Variants in SLC25A29 observed in about 807,000 individuals in gnomAD.
SLC25A29 encodes mitochondrial basic amino acids transporter.
SLC25A29 carries 13 observed loss-of-function variants against 10.0 expected under a neutral mutation model. That is an observed-to-expected ratio of 1.30 (90% confidence interval 0.85 to 2.07). The LOEUF is 2.07. SLC25A29 is among the 30% of genes most tolerant of loss of function. SLC25A29 has a pLI of 0.00. For missense variants in SLC25A29, 475 were observed against 447.6 expected, an observed-to-expected ratio of 1.06 and a Z score of -0.55; for synonymous variants, 244 against 221.1, an observed-to-expected ratio of 1.10 and a Z score of -0.92.
intron 1 of SLC25A29, among the ~76,000 whole-genome samples, chr14:100,302,420 C>T (rs1456739165): frequency 1.3e-5 from 2 of 149,286 alleles, no homozygotes; most frequent in Admixed American, 6.7e-5. Flanking sequence ...AGTGCAATGG[C>T]GCGATCTCGG....
chr14:100,278,662 C>A, the SLC25A29 span: 1 of 152,244 alleles, frequency 6.6e-6, no homozygotes, highest in Non-Finnish European at 1.5e-5. Flanking sequence ...CATGTCCTGA[C>A]TTCTGAAAGA....
chr14:100,294,790 T>C (rs769490854), intron 2 of SLC25A29: 8 of 152,142 alleles, frequency 5.3e-5, no homozygotes, highest in Non-Finnish European at 8.8e-5. Flanking sequence ...AATGCACTTA[T>C]AAAAAATGTT....
At chr14:100,290,150 A>C (rs1482694934), downstream of SLC25A29, among the ~76,000 whole-genome samples, 9 of 152,186 alleles carry the variant, frequency 5.9e-5, no homozygotes, top group African/African-American at 2.2e-4. Context: ...GCCTTTCTAG[A>C]GAGTGCAGAT....
chr14:100,279,127 C>T, the SLC25A29 span: 8 of 152,156 alleles, frequency 5.3e-5, no homozygotes, highest in Admixed American at 3.3e-4. Context: ...CTTAAATGTA[C>T]GATTATAATG....
intron 2 of SLC25A29, chr14:100,298,458 C>T (rs1464620689): frequency 3.2e-6 from 1 of 311,720 alleles, no homozygotes; most frequent in Non-Finnish European, 6.2e-6. Flanking sequence ...GGATGATCAC[C>T]ACTCCGTGAA....
chr14:100,287,305 A>G (rs1255996011), downstream of SLC25A29, among the ~76,000 whole-genome samples: 1 of 152,220 alleles, frequency 6.6e-6, no homozygotes, highest in Non-Finnish European at 1.5e-5. Flanking sequence ...TGGACTCCCC[A>G]AACTGCCACT....
At chr14:100,298,991 G>C in intron 1 of SLC25A29, 106 bp from the exon 2 acceptor site, 1 of 1,524,208 alleles carries the variant, frequency 6.6e-7, no homozygotes, top group Non-Finnish European at 8.9e-7. Context: ...AGCTGCTGCC[G>C]GGGAAAGGAC....
At chr14:100,302,364 T>TC (rs2139787344) in intron 1 of SLC25A29, among the ~76,000 whole-genome samples, 1 of 143,242 alleles carries the variant, frequency 7.0e-6, no homozygotes, top group East Asian at 2.2e-4. Flanking sequence ...ATTTCTTTCT[T>TC]TTTTTTTTTT....
At chr14:100,306,136 G>A in intron 1 of SLC25A29, 63 bp downstream of exon 1, 1 of 1,269,018 alleles carries the variant, frequency 7.9e-7, no homozygotes, top group Non-Finnish European at 1.0e-6. Flanking sequence ...AGGGCGTGCT[G>A]GTGGGCCGAC....
chr14:100,302,362 CTT>C (rs74643943), intron 1 of SLC25A29, among the ~76,000 whole-genome samples: 31 of 133,960 alleles, frequency 2.3e-4, no homozygotes, highest in Admixed American at 5.3e-4. Context: ...CTATTTCTTT[CTT>C]TTTTTTTTTT....
chr14:100,306,274 C>A lies in SLC25A29; in HGVS notation c.-42G>T, dbSNP rs745471027. ...AGGCCGCCTTTCCTCCTCGTCCTCC[C>A]CCTGAGGCCCCTCGCCGGGCTGGGC... On this transcript the variant is annotated 5_prime_UTR_variant, in exon 1 of 4. Transcript: ENST00000359232. 1.4e-6 allele frequency: 2 copies of A among 1,390,654 alleles called. No individual in the cohort carries two copies. Among genetic ancestry groups the A allele is most frequent in the South Asian group, 1.8e-5 (1 of 56,776 alleles). 86.1% of individuals were successfully genotyped at this position (1,390,654 alleles called of 1,614,324 possible). A position where few individuals can be genotyped will look rare whatever the true frequency, so the allele number is the denominator to read the frequency against.
intron 2 of SLC25A29, chr14:100,295,819 C>T: frequency 7.8e-7 from 1 of 1,289,670 alleles, no homozygotes; most frequent in African/African-American, 1.5e-5. Flanking sequence ...TGGCCGGTCA[C>T]CCCCTCATCA....
rs1892088080 is a variant in SLC25A29, at chr14:100,295,588, G to GTCCAGGCTGGGA, written c.79-2223_79-2212dup. The GTCCAGGCTGGGA allele has an allele frequency of 5.4e-6, 7 of 1,284,606 alleles. No individual in the cohort carries two copies. The South Asian group carries it at 8.7e-5, about 16-fold the overall frequency. 79.6% of individuals were successfully genotyped at this position (1,284,606 alleles called of 1,614,324 possible). A position where few individuals can be genotyped will look rare whatever the true frequency, so the allele number is the denominator to read the frequency against. On this transcript the variant is annotated intron_variant, in intron 2 of 3. Transcript: ENST00000359232. ...GGGGAGATGGGCATGACAGGGTGGGGTCCAGGCTGGGATCTGGTTCACCTG... is the reference window on the plus strand; with the variant it reads ...GGGGAGATGGGCATGACAGGGTGGGGTCCAGGCTGGGATCCAGGCTGGGATCTGGTTCACCTG...
chr14:100,289,965 G>A (rs927159129), downstream of SLC25A29, among the ~76,000 whole-genome samples: 3 of 152,282 alleles, frequency 2.0e-5, no homozygotes, highest in East Asian at 1.9e-4. Context: ...CTGGGAAGTG[G>A]GAGGGAGCTA....
chr14:100,299,285 C>G, intron 1 of SLC25A29: 1 of 1,037,386 alleles, frequency 9.6e-7, no homozygotes. Flanking sequence ...ACTTTGGGGT[C>G]AGACCCTCCC....
At chr14:100,293,489 GCA>G (rs1299580499) in intron 2 of SLC25A29, 112 bp from the exon 3 acceptor site, 2 of 884,522 alleles carry the variant, frequency 2.3e-6, no homozygotes, top group Non-Finnish European at 3.6e-6. Flanking sequence ...GGGCACTCAG[GCA>G]CAGTCTAAGA....
At chr14:100,281,060 C>CAAAAAAAAAAA in the SLC25A29 span, 72 of 47,776 alleles carry the variant, frequency 1.5e-3, 25 homozygotes, top group African/African-American at 7.1e-3. Context: ...ACTCCGTCTC[C>CAAAAAAAAAAA]CAAAAAAAAA....
intron 1 of SLC25A29, among the ~76,000 whole-genome samples, chr14:100,301,670 T>C (rs8020584): frequency 0.69 from 103,804 of 150,950 alleles, 35,858 homozygotes; most frequent in East Asian, 0.75. Flanking sequence ...CCACCACGCC[T>C]GGCTAATTTT....
chr14:100,298,509 A>T, intron 2 of SLC25A29: 1 of 412,378 alleles, frequency 2.4e-6, no homozygotes, highest in African/African-American at 2.1e-5. Context: ...TTTTTTTTGT[A>T]TTTTCTCTCT....
Sources: gnomAD v4.1 joint callset for allele counts (sites outside exome capture counted in the v4.1 genomes callset) on GRCh38, gnomAD v4.1.1 for gene constraint, MANE v1.5 for transcripts, NCBI Gene and HGNC (gene_info 2026-07-23, HGNC 2026-07-21) for gene names.